CLIC5: variants seen among roughly 807,000 people sequenced by gnomAD.
The protein encoded by CLIC5 is CLIC family member 5, also known as chloride intracellular channel protein 5.
A neutral mutation model predicts 24.7 loss-of-function variants in CLIC5; 20 were observed. The ratio of observed to expected loss-of-function variants is 0.81; its 90% CI spans 0.57 to 1.18. CLIC5 has a LOEUF of 1.18. Among genes scored for constraint, CLIC5 ranks in the 50% most tolerant of loss-of-function variants. The pLI is 0.00. For missense variants in CLIC5, 341 were observed against 326.1 expected (o/e 1.05, Z -0.35); for synonymous variants, 159 against 135.6 (o/e 1.17, Z -1.20).
At chr6:46,105,399 T>A in the CLIC5 span, among the ~76,000 whole-genome samples, 1 of 152,226 alleles carries the variant, frequency 6.6e-6, no homozygotes, top group Non-Finnish European at 1.5e-5. Flanking sequence ...TATACTTTTC[T>A]AAAAAGGCCT....
chr6:46,102,055 C>G, the CLIC5 span, among the ~76,000 whole-genome samples: 1 of 152,046 alleles, frequency 6.6e-6, no homozygotes, highest in Non-Finnish European at 1.5e-5. Flanking sequence ...ATTAATTTCA[C>G]GGGCCAGGGC....
At chr6:46,065,417 A>AT (rs1173186120) in intron 1 of CLIC5, among the ~76,000 whole-genome samples, 1 of 151,882 alleles carries the variant, frequency 6.6e-6, no homozygotes, top group African/African-American at 2.4e-5. Flanking sequence ...ACTTCTAAAT[A>AT]TTTACCCAAA....
At chr6:46,013,320 T>A (rs971057228) in intron 1 of CLIC5, among the ~76,000 whole-genome samples, 2 of 152,232 alleles carry the variant, frequency 1.3e-5, no homozygotes, top group Non-Finnish European at 2.9e-5. Flanking sequence ...TGGAAAAGTG[T>A]GATTCTGTCA....
chr6:45,971,399 G>C (rs753054456), intron 1 of CLIC5, among the ~76,000 whole-genome samples: 1 of 152,082 alleles, frequency 6.6e-6, no homozygotes, highest in African/African-American at 2.4e-5. Context: ...TGGTCATCTC[G>C]TCTCCACCCA....
intron 1 of CLIC5, among the ~76,000 whole-genome samples, chr6:46,004,417 C>T (rs570758712): frequency 7.8e-4 from 119 of 152,306 alleles, no homozygotes; most frequent in African/African-American, 2.4e-3. Context: ...CCATGCAAAC[C>T]TACCATGATG....
the CLIC5 span, among the ~76,000 whole-genome samples, chr6:46,113,030 T>C: frequency 6.6e-6 from 1 of 152,130 alleles, no homozygotes; most frequent in Non-Finnish European, 1.5e-5. Context: ...CATTCCAGCC[T>C]GGGTGACAGA....
At chr6:45,971,369 T>G (rs1165009449) in intron 1 of CLIC5, among the ~76,000 whole-genome samples, 2 of 152,176 alleles carry the variant, frequency 1.3e-5, no homozygotes, top group Admixed American at 1.3e-4. Context: ...GTTGTACATG[T>G]TTTTAAAAAA....
chr6:45,896,103 T>C (rs573238557), downstream of CLIC5, among the ~76,000 whole-genome samples: 1 of 152,294 alleles, frequency 6.6e-6, no homozygotes, highest in East Asian at 1.9e-4. Context: ...TTATTGCACG[T>C]GGATGTAGAT....
At chr6:45,928,285 G>C (rs1763580526) in intron 4 of CLIC5, among the ~76,000 whole-genome samples, 1 of 152,190 alleles carries the variant, frequency 6.6e-6, no homozygotes, top group African/African-American at 2.4e-5. Flanking sequence ...TTTAAAAGCT[G>C]AGAAATGCTG....
intron 4 of CLIC5, among the ~76,000 whole-genome samples, chr6:45,934,492 C>T (rs1310104675): frequency 6.6e-6 from 1 of 152,172 alleles, no homozygotes; most frequent in Non-Finnish European, 1.5e-5. Flanking sequence ...TTGGGCAAAA[C>T]ACCACTTAGT....
At chr6:45,966,752 A>C (rs535271084) in intron 1 of CLIC5, among the ~76,000 whole-genome samples, 100 of 152,132 alleles carry the variant, frequency 6.6e-4, no homozygotes, top group African/African-American at 2.4e-3. Flanking sequence ...TTCACCTTCC[A>C]TCCCTGCACA....
chr6:45,946,403 T>C (rs1486273927), intron 3 of CLIC5, among the ~76,000 whole-genome samples: 1 of 152,156 alleles, frequency 6.6e-6, no homozygotes, highest in Non-Finnish European at 1.5e-5. Flanking sequence ...GGATCAAATG[T>C]GATTTGAAAA....
At chr6:46,094,228 C>A in the CLIC5 span, among the ~76,000 whole-genome samples, 1 of 152,194 alleles carries the variant, frequency 6.6e-6, no homozygotes. Context: ...TGGGCAGGGA[C>A]ACAGATCCAA....
chr6:45,930,240 C>A (rs963825458), intron 4 of CLIC5, among the ~76,000 whole-genome samples: 2 of 151,920 alleles, frequency 1.3e-5, no homozygotes, highest in Non-Finnish European at 2.9e-5. Context: ...GGCTAACAGC[C>A]CTCCCAGGCC....
intron 1 of CLIC5, among the ~76,000 whole-genome samples, chr6:46,044,773 C>T (rs1485402240): frequency 1.3e-5 from 2 of 152,170 alleles, no homozygotes; most frequent in African/African-American, 4.8e-5. Flanking sequence ...AGGATTATAA[C>T]ACAATTAATG....
At position 45,943,129 on chromosome 6, in the gene CLIC5, T is replaced by C. The variant is rs115827598; in HGVS notation, c.300-1476A>G. Among the ~76,000 whole-genome samples the C allele has an allele frequency of 2.8e-3, 428 of 152,346 alleles. 4 individuals are homozygous for C. Among genetic ancestry groups the C allele is most frequent in the African/African-American group, 9.8e-3 (408 of 41,570 alleles). ...ACTATTATTAGCCTAATTTCCTACA[T>C]GAGGAAACGGTGGCATAGAGAGGTT... On this transcript the variant is annotated intron_variant, in intron 3 of 5. Coordinates refer to ENST00000339561, the MANE Select transcript of CLIC5 (RefSeq NM_016929.5).
chr6:46,116,762 G>A, the CLIC5 span, among the ~76,000 whole-genome samples: 4 of 152,116 alleles, frequency 2.6e-5, no homozygotes, highest in African/African-American at 9.7e-5. Flanking sequence ...TTAAAGGGTG[G>A]ACAAAATTGT....
intron 1 of CLIC5, among the ~76,000 whole-genome samples, chr6:45,971,929 A>G (rs1765213331): frequency 6.6e-6 from 1 of 152,190 alleles, no homozygotes; most frequent in Non-Finnish European, 1.5e-5. Context: ...CCTTTCTGTA[A>G]CATGAGTTTC....
At chr6:45,887,578 G>A (rs1762316419) in intron 6 of CLIC5, among the ~76,000 whole-genome samples, 3 of 152,086 alleles carry the variant, frequency 2.0e-5, no homozygotes, top group Admixed American at 2.0e-4. Context: ...GTTTTTGGGG[G>A]GACACAATTC....
Sources: allele counts gnomAD v4.1 joint callset (sites outside exome capture counted in the v4.1 genomes callset), GRCh38; gene constraint gnomAD v4.1.1; transcripts MANE v1.5; gene names NCBI Gene and HGNC (gene_info 2026-07-23, HGNC 2026-07-21).